ALK: variants seen among roughly 807,000 people sequenced by gnomAD.
ALK encodes the protein ALK receptor tyrosine kinase.
Under a neutral mutation model 163.1 loss-of-function variants are expected in ALK, and 74 were observed. The observed-to-expected ratio is 0.45, with a 90% CI of 0.38 to 0.55. The LOEUF (loss-of-function observed/expected upper bound fraction) is 0.55. Ranked by LOEUF, ALK falls within the 20% of genes least tolerant of loss-of-function variation. The pLI, the probability that ALK is intolerant of heterozygous loss-of-function variation, is 0.00. For missense variants in ALK, 2,063 were observed against 2,105.3 expected, an observed-to-expected ratio of 0.98 and a Z score of 0.39; for synonymous variants, 960 against 843.2, an observed-to-expected ratio of 1.14 and a Z score of -2.40.
intron 1 of ALK, among the ~76,000 whole-genome samples, chr2:29,785,010 G>A (rs923935810): frequency 6.6e-5 from 10 of 152,104 alleles, no homozygotes; most frequent in Middle Eastern, 3.4e-3. Flanking sequence ...GAGCTGCCCT[G>A]AACCACTGAC....
At chr2:29,717,818 G>A (rs1679307786) in intron 1 of ALK, 121 bp from the exon 2 acceptor site, 1 of 1,375,248 alleles carries the variant, frequency 7.3e-7, no homozygotes. Context: ...TCGGGAAGAT[G>A]AGGGGGAAAA....
rs77093347 is a variant in ALK at position 29,564,309 on chromosome 2, C to G, written c.953-32193G>C. ...GTGACAGGTGCTTCTTCTTACCCAA[C>G]TATCCTAACTATCAAAATCAAAACA... On this transcript the variant is annotated intron_variant, in intron 3 of 28. Transcript: ENST00000389048. 7.4e-3 allele frequency among the ~76,000 whole-genome samples: 1,126 copies of G among 152,292 alleles called. 17 individuals are homozygous for G. Among genetic ancestry groups the G allele is most frequent in the African/African-American group, 0.026 (1,095 of 41,536 alleles).
chr2:29,451,037 T>A (rs1207308293), intron 4 of ALK, among the ~76,000 whole-genome samples: 1 of 152,126 alleles, frequency 6.6e-6, no homozygotes, highest in Non-Finnish European at 1.5e-5. Flanking sequence ...AGAGTGCCTG[T>A]TTTTCAACGA....
intron 11 of ALK, among the ~76,000 whole-genome samples, chr2:29,274,830 T>G (rs1665491324): frequency 6.6e-6 from 1 of 152,168 alleles, no homozygotes; most frequent in Non-Finnish European, 1.5e-5. Flanking sequence ...AATGCCAGCT[T>G]GGTTCTCTCC....
At chr2:29,879,901 C>T (rs1167018843) in intron 1 of ALK, among the ~76,000 whole-genome samples, 1 of 152,178 alleles carries the variant, frequency 6.6e-6, no homozygotes, top group Non-Finnish European at 1.5e-5. Flanking sequence ...AAAGAAAGGC[C>T]GCCTGAATTA....
At chr2:29,917,025 A>C (rs1191845501) in intron 1 of ALK, among the ~76,000 whole-genome samples, 2 of 152,226 alleles carry the variant, frequency 1.3e-5, no homozygotes, top group African/African-American at 4.8e-5. Context: ...TTAGCATTTC[A>C]TGCATTATAA....
intron 1 of ALK, among the ~76,000 whole-genome samples, chr2:29,893,357 T>C (rs1005624820): frequency 2.0e-5 from 3 of 152,238 alleles, no homozygotes; most frequent in Non-Finnish European, 2.9e-5. Flanking sequence ...CTTTCTGCCA[T>C]GCAGCCTCAA....
At chr2:29,886,481 A>G (rs775387188) in intron 1 of ALK, among the ~76,000 whole-genome samples, 39 of 152,244 alleles carry the variant, frequency 2.6e-4, no homozygotes, top group Non-Finnish European at 4.3e-4. Context: ...TAGCCCTTTT[A>G]TAAGAGACTA....
intron 8 of ALK, among the ~76,000 whole-genome samples, chr2:29,302,545 C>G (rs1396460923): frequency 1.3e-5 from 2 of 152,142 alleles, no homozygotes; most frequent in Non-Finnish European, 2.9e-5. Context: ...AATTAACCTT[C>G]TTTCATCTTA....
At chr2:29,892,692 G>A (rs1277184992) in intron 1 of ALK, among the ~76,000 whole-genome samples, 1 of 152,150 alleles carries the variant, frequency 6.6e-6, no homozygotes, top group Non-Finnish European at 1.5e-5. Context: ...TTGACACCAT[G>A]ACCACCCACG....
rs572571887 is a variant in ALK, at chr2:29,487,985, A to T, written c.1154+43930T>A. 1.4e-4 allele frequency among the ~76,000 whole-genome samples: 21 copies of T among 149,100 alleles called. No homozygotes were observed. The South Asian group carries it at 4.5e-3, about 32-fold the overall frequency. Reference sequence around the variant, plus strand: ...GCTCAGTTTATTTTCTTGGGTTGTTATTTTTTTTTTCTGTTGGACTCTTTT... The same window carrying T: ...GCTCAGTTTATTTTCTTGGGTTGTTTTTTTTTTTTTCTGTTGGACTCTTTT... On this transcript the variant is annotated intron_variant, in intron 4 of 28. Transcript: ENST00000389048.
chr2:29,521,283 T>G (rs1197615051), intron 4 of ALK, among the ~76,000 whole-genome samples: 1 of 152,154 alleles, frequency 6.6e-6, no homozygotes, highest in Non-Finnish European at 1.5e-5. Context: ...GTAGGTCTCA[T>G]GCCCTGGGCT....
chr2:29,393,942 A>C (rs1239064755), intron 4 of ALK, among the ~76,000 whole-genome samples: 1 of 152,194 alleles, frequency 6.6e-6, no homozygotes, highest in Admixed American at 6.5e-5. Context: ...AAAACCCGGA[A>C]AGTCTCCAGA....
intron 4 of ALK, among the ~76,000 whole-genome samples, chr2:29,402,327 A>G (rs1306265371): frequency 1.3e-5 from 2 of 152,160 alleles, no homozygotes; most frequent in Non-Finnish European, 2.9e-5. Flanking sequence ...GCCTGTGCCT[A>G]CTCGGCGTCT....
At chr2:29,876,097 C>A (rs908548298) in intron 1 of ALK, among the ~76,000 whole-genome samples, 1 of 152,178 alleles carries the variant, frequency 6.6e-6, no homozygotes, top group Non-Finnish European at 1.5e-5. Flanking sequence ...ATCTACCCTG[C>A]CTTTGCCAGT....
At chr2:29,842,672 G>A (rs182514751) in intron 1 of ALK, among the ~76,000 whole-genome samples, 88 of 152,310 alleles carry the variant, frequency 5.8e-4, no homozygotes, top group Non-Finnish European at 9.4e-4. Flanking sequence ...GGACCACATG[G>A]AGATGGAGGA....
chr2:29,243,045 T>C (rs530423687), intron 12 of ALK, among the ~76,000 whole-genome samples: 1 of 152,336 alleles, frequency 6.6e-6, no homozygotes, highest in South Asian at 2.1e-4. Flanking sequence ...TTCACTCCTC[T>C]GGAAGCTTCT....
chr2:29,296,932 G>A lies in ALK; in HGVS notation c.1773C>T (p.Ser591=). The part of the protein sequence containing the change: ...VWHVAAYEGL[S]LWQWMVLPLL... The stretch of plus-strand genomic sequence containing the variant: ...GAGGCAACACCATCCACTGCCACAG[G>A]CTCAAGCCTTCATAGGCGGCGACAT... The change falls in exon 9 of 29, where the codon AGC becomes AGT. Residue 591 remains serine (S), a synonymous_variant. Transcript: ENST00000389048. 1 of 1,614,180 alleles carries A rather than the reference G, an allele frequency of 6.2e-7. No homozygotes were observed. Among genetic ancestry groups the A allele is most frequent in the Non-Finnish European group, 8.5e-7 (1 of 1,180,018 alleles).
chr2:29,846,251 C>T (rs911528378), intron 1 of ALK, among the ~76,000 whole-genome samples: 1 of 152,146 alleles, frequency 6.6e-6, no homozygotes, highest in Admixed American at 6.6e-5. Flanking sequence ...TGGCACTTGC[C>T]CCCCCACCTG....
Sources: gnomAD v4.1 joint callset for allele counts (sites outside exome capture counted in the v4.1 genomes callset) on GRCh38, gnomAD v4.1.1 for gene constraint, MANE v1.5 for transcripts, NCBI Gene and HGNC (gene_info 2026-07-23, HGNC 2026-07-21) for gene names.